The following A2M variants were observed in gnomAD, a reference collection of about 807,000 sequenced individuals.
The protein encoded by A2M is C3 and PZP-like alpha-2-macroglobulin domain-containing protein 5.
In A2M, 128 loss-of-function variants were observed where a neutral mutation model predicts 183.9. That is an observed-to-expected ratio of 0.70 (90% CI 0.60 to 0.81). The LOEUF (loss-of-function observed/expected upper bound fraction) is 0.81, where lower values mean the gene tolerates loss of function less well. Among genes scored for constraint, A2M ranks in the 30% least tolerant of loss-of-function variants. A2M has a pLI of 0.00. For synonymous variants in A2M, 592 were observed against 670.8 expected, an observed-to-expected ratio of 0.88 and a Z score of 1.81; for missense variants, 1,495 against 1,787.6, an observed-to-expected ratio of 0.84 and a Z score of 2.95.
chr12:9,116,065 C>A, upstream of A2M: 1 of 554,000 alleles, frequency 1.8e-6, no homozygotes, highest in South Asian at 1.8e-5. Flanking sequence ...AGGTTAATTC[C>A]TGGCGGGCTA....
At position 9,067,893 on chromosome 12, in the gene A2M, A is replaced by G. The variant is rs1040940754; in HGVS notation, c.4409-54T>C. 4.9e-5 allele frequency: 76 copies of G among 1,546,386 alleles called. No individual in the cohort carries two copies. The African/African-American group carries it at 8.0e-4, about 16-fold the overall frequency. On this transcript the variant is annotated intron_variant, in intron 35 of 35. Transcript: ENST00000318602. Reference sequence around the variant, plus strand: ...GACAGATTTGGGTCTCCATGAGCAGAGAGTATTCTTTCCCTTAGTTCTGGG... The same window carrying G: ...GACAGATTTGGGTCTCCATGAGCAGGGAGTATTCTTTCCCTTAGTTCTGGG...
intron 22 of A2M, among the ~76,000 whole-genome samples, chr12:9,086,900 C>T (rs1949067519): frequency 6.6e-6 from 1 of 152,060 alleles, no homozygotes; most frequent in Admixed American, 6.6e-5. Context: ...AAAGACTTCA[C>T]CAAAGGGCTG....
chr12:9,091,576 A>G, intron 18 of A2M, 147 bp from the exon 19 acceptor site: 1 of 822,292 alleles, frequency 1.2e-6, no homozygotes. Context: ...AAGGATTGAG[A>G]TGGGAATATA....
rs975545965 is a variant in A2M at position 9,091,340 on chromosome 12, C to T, written c.2330G>A (p.Gly777Glu). 2 of 1,614,066 alleles carry T rather than the reference C, an allele frequency of 1.2e-6. No individual in the cohort carries two copies. The highest frequency in any genetic ancestry group is 2.7e-5 in the African/African-American group (2 of 74,910). ...AGAFCLSEDA[G>E]LGISSTASLR... ...AGAGGCAGTGGAAGAGATACCAAGTCCAGCATCTTCAGACAGGCAGAAGGC... is the reference window on the plus strand; with the variant it reads ...AGAGGCAGTGGAAGAGATACCAAGTTCAGCATCTTCAGACAGGCAGAAGGC... The change falls in exon 19 of 36, where the codon GGA becomes GAA. Residue 777 changes from glycine (G) to glutamate (E), a missense_variant. Physicochemically the swap from Gly to Glu is moderately conservative, Grantham distance 98 (BLOSUM62 -2). Coordinates refer to ENST00000318602, the MANE Select transcript of A2M (RefSeq NM_000014.6).
chr12:9,108,332 T>C (rs1313444202), intron 7 of A2M, among the ~76,000 whole-genome samples: 3 of 152,244 alleles, frequency 2.0e-5, no homozygotes, highest in Non-Finnish European at 4.4e-5. Context: ...TTCACCATGT[T>C]AGCCAGGATG....
At chr12:9,086,304 GA>G (rs1371287874) in intron 22 of A2M, among the ~76,000 whole-genome samples, 1 of 152,188 alleles carries the variant, frequency 6.6e-6, no homozygotes, top group Non-Finnish European at 1.5e-5. Context: ...GAGGTGGTAG[GA>G]TTGCTTGAAC....
In A2M at chr12:9,079,832, A is replaced by G; in HGVS notation, c.2855-17T>C. The G allele has an allele frequency of 6.4e-7, 1 of 1,559,382 alleles. No individual in the cohort carries two copies. The highest frequency in any genetic ancestry group is 8.7e-7 in the Non-Finnish European group (1 of 1,154,012). ...ATATGTCTCCTAGAGAATGGGAGAG[A>G]TGGGAAGTCATAAAGCTTGGAGATT... is the stretch of plus-strand genomic sequence containing the variant. On this transcript the variant is annotated splice_polypyrimidine_tract_variant and intron_variant, in intron 23 of 35. Transcript: ENST00000318602.
intron 18 of A2M, 30 bp from the exon 19 acceptor site, chr12:9,091,459 A>T: frequency 6.2e-7 from 1 of 1,610,968 alleles, no homozygotes; most frequent in Non-Finnish European, 8.5e-7. Context: ...AAGAACAGAA[A>T]GTAAGCAGTT....
Position 9,078,707 on chromosome 12 carries a change from CTT to C in A2M, c.3119+535_3119+536del, listed in dbSNP as rs1948820463. 2.0e-5 allele frequency among the ~76,000 whole-genome samples: 3 copies of C among 152,194 alleles called. No individual in the cohort carries two copies. In the South Asian group the frequency reaches 6.2e-4, roughly 31 times the overall value. On this transcript the variant is annotated intron_variant, in intron 25 of 35. Coordinates refer to ENST00000318602, the MANE Select transcript of A2M (RefSeq NM_000014.6). The stretch of plus-strand genomic sequence containing the variant: ...TACTTGAGTAAGGCTTTAAATCTCT[CTT>C]ATCTTTAGAGATTTCCTTCTGCAGA...
chr12:9,102,708 T>C (rs1937975964), intron 11 of A2M, among the ~76,000 whole-genome samples: 1 of 152,190 alleles, frequency 6.6e-6, no homozygotes, highest in South Asian at 2.1e-4. Flanking sequence ...TATCTTAATG[T>C]ATATTTTGGT....
At chr12:9,088,016 C>G (rs781209563) in intron 22 of A2M, among the ~76,000 whole-genome samples, 19 of 152,134 alleles carry the variant, frequency 1.2e-4, no homozygotes, top group African/African-American at 4.6e-4. Flanking sequence ...ATATTATAGG[C>G]TTAAAAGCAA....
At chr12:9,092,752 C>T (rs1342488484) in intron 18 of A2M, among the ~76,000 whole-genome samples, 3 of 152,102 alleles carry the variant, frequency 2.0e-5, no homozygotes, top group African/African-American at 4.8e-5. Context: ...CCCAGAAATC[C>T]CTCTTCTGGG....
Position 9,074,544 on chromosome 12 carries a change from T to G in A2M, c.3756+16A>C. ...CTACCTGAAGGTGAAATAAAAGGTT[T>G]TGGCAAATCACCAACCTGGGTGGAG... On this transcript the variant is annotated intron_variant, in intron 29 of 35. Coordinates refer to ENST00000318602, the MANE Select transcript of A2M (RefSeq NM_000014.6). The G allele has an allele frequency of 6.3e-7, 1 of 1,591,700 alleles. No individual in the cohort carries two copies. Among genetic ancestry groups the G allele is most frequent in the Non-Finnish European group, 8.6e-7 (1 of 1,167,560 alleles).
intron 13 of A2M, among the ~76,000 whole-genome samples, chr12:9,099,793 C>G (rs1039956586): frequency 6.6e-6 from 1 of 152,178 alleles, no homozygotes; most frequent in Admixed American, 6.5e-5. Context: ...ACCATTTGAT[C>G]TAGGCCTCAT....
At chr12:9,085,278 A>G (rs1056940632) in intron 22 of A2M, among the ~76,000 whole-genome samples, 1 of 152,262 alleles carries the variant, frequency 6.6e-6, no homozygotes, top group East Asian at 1.9e-4. Context: ...TAGCAAATTT[A>G]AGAAGACTGA....
At chr12:9,102,061 C>T (rs1340643452) in intron 11 of A2M, among the ~76,000 whole-genome samples, 2 of 152,010 alleles carry the variant, frequency 1.3e-5, no homozygotes, top group Non-Finnish European at 2.9e-5. Flanking sequence ...AAAGCAGCTG[C>T]CTCTTTTAGG....
intron 32 of A2M, 143 bp downstream of exon 32, chr12:9,070,345 G>A: frequency 1.6e-6 from 1 of 644,846 alleles, no homozygotes; most frequent in South Asian, 2.0e-5. Flanking sequence ...ACAAACACAT[G>A]TGATTATATT....
chr12:9,095,464 C>T, intron 16 of A2M, 75 bp downstream of exon 16: 1 of 1,440,844 alleles, frequency 6.9e-7, no homozygotes, highest in Non-Finnish European at 9.6e-7. Context: ...TGAAGGCATT[C>T]AAATACAGAC....
rs1346952660 is a variant in A2M at position 9,104,140 on chromosome 12, C to G, written c.1266+99G>C. 4 of 1,231,764 alleles carry G rather than the reference C, an allele frequency of 3.2e-6. No homozygotes were observed. In the African/African-American group the frequency reaches 4.7e-5, roughly 14 times the overall value. 76.3% of individuals were successfully genotyped at this position (1,231,764 alleles called of 1,614,324 possible). A position where few individuals can be genotyped will look rare whatever the true frequency, so the allele number is the denominator to read the frequency against. On this transcript the variant is annotated intron_variant, in intron 11 of 35. Transcript: ENST00000318602. ...TTTCTAATTGCTAGTTTTTTTCTCT[C>G]CATAGAACTAGACACAGTTTGGAAA...
Sources: allele counts gnomAD v4.1 joint callset (sites outside exome capture counted in the v4.1 genomes callset), GRCh38; gene constraint gnomAD v4.1.1; transcripts MANE v1.5; gene names NCBI Gene and HGNC (gene_info 2026-07-23, HGNC 2026-07-21).